Variants in ARID1B observed in about 807,000 individuals in gnomAD.
The protein encoded by ARID1B is AT-rich interactive domain-containing protein 1B.
In ARID1B, 30 loss-of-function variants were observed where a neutral mutation model predicts 212.3. That is an observed-to-expected ratio of 0.14 (90% confidence interval 0.11 to 0.19). The LOEUF is 0.19. ARID1B is among the 10% of genes least tolerant of loss of function. The pLI is 1.00. For synonymous variants in ARID1B, 1,402 were observed against 1,301.7 expected, an observed-to-expected ratio of 1.08 and a Z score of -1.66; for missense variants, 2,891 against 3,204.0, an observed-to-expected ratio of 0.90 and a Z score of 2.36.
chr6:157,056,139 G>A (rs527366390), intron 4 of ARID1B, among the ~76,000 whole-genome samples: 18 of 152,138 alleles, frequency 1.2e-4, no homozygotes, highest in East Asian at 1.2e-3. Context: ...TCTCCACACC[G>A]CCCCCACCTC....
chr6:157,122,202 C>CTTTA (rs143371459), intron 6 of ARID1B, among the ~76,000 whole-genome samples: 3,176 of 152,252 alleles, frequency 0.021, 118 homozygotes, highest in African/African-American at 0.073. Flanking sequence ...TTGGCTTAGT[C>CTTTA]TTTAACACAG....
intron 4 of ARID1B, among the ~76,000 whole-genome samples, chr6:157,082,426 A>G (rs993624539): frequency 1.3e-5 from 2 of 152,210 alleles, no homozygotes; most frequent in African/African-American, 4.8e-5. Flanking sequence ...TCACCAGCTG[A>G]ATATGTACAA....
chr6:157,036,969 A>G, intron 4 of ARID1B: 1 of 414,882 alleles, frequency 2.4e-6, no homozygotes, highest in Non-Finnish European at 4.7e-6. Context: ...TTTTTTTTTT[A>G]ATCATAATCA....
intron 2 of ARID1B, among the ~76,000 whole-genome samples, chr6:156,833,487 T>C (rs911502117): frequency 6.6e-6 from 1 of 152,194 alleles, no homozygotes; most frequent in African/African-American, 2.4e-5. Flanking sequence ...TTTTAACTAT[T>C]CTTGCAGGTG....
At chr6:156,858,569 G>A (rs769912417) in intron 2 of ARID1B, among the ~76,000 whole-genome samples, 2 of 152,116 alleles carry the variant, frequency 1.3e-5, no homozygotes, top group Admixed American at 6.5e-5. Context: ...AGTTCAAGAC[G>A]ATCCTGGCCA....
intron 2 of ARID1B, among the ~76,000 whole-genome samples, chr6:156,879,656 C>T (rs1299044885): frequency 6.6e-6 from 1 of 152,196 alleles, no homozygotes; most frequent in Non-Finnish European, 1.5e-5. Context: ...TCTGCAAACC[C>T]TTAAGAATTT....
chr6:157,021,589 C>T (rs1445194254), intron 4 of ARID1B, among the ~76,000 whole-genome samples: 1 of 152,186 alleles, frequency 6.6e-6, no homozygotes, highest in Admixed American at 6.5e-5. Flanking sequence ...CTCAGCCTGA[C>T]TGAACAGGCT....
chr6:156,869,280 GTC>G (rs1390629528), intron 2 of ARID1B, among the ~76,000 whole-genome samples: 1 of 151,892 alleles, frequency 6.6e-6, no homozygotes, highest in African/African-American at 2.4e-5. Flanking sequence ...AATTTTTTTT[GTC>G]TCTCTGTCAT....
chr6:156,978,426 A>G (rs1363255288), intron 4 of ARID1B, among the ~76,000 whole-genome samples: 2 of 152,242 alleles, frequency 1.3e-5, no homozygotes, highest in Non-Finnish European at 2.9e-5. Flanking sequence ...AGTCCCTGTG[A>G]CAGGAATGAA....
chr6:156,986,700 G>A (rs966244820), intron 4 of ARID1B, among the ~76,000 whole-genome samples: 2 of 152,022 alleles, frequency 1.3e-5, no homozygotes, highest in Admixed American at 6.5e-5. Flanking sequence ...AAGAGCTTTC[G>A]ATACTTCTAC....
At chr6:157,164,678 C>T in intron 8 of ARID1B, 1 of 152,074 alleles carries the variant, frequency 6.6e-6, no homozygotes, top group East Asian at 1.9e-4. Context: ...CCCAGATCCT[C>T]CTCTCAGGAG....
At chr6:156,806,958 C>T (rs992034831) in intron 1 of ARID1B, among the ~76,000 whole-genome samples, 2 of 152,200 alleles carry the variant, frequency 1.3e-5, no homozygotes, top group African/African-American at 4.8e-5. Flanking sequence ...TGTAATTTTA[C>T]ATGTCTTAAA....
chr6:157,132,949 ATCAGTC>A, intron 6 of ARID1B, 73 bp from the exon 7 acceptor site: 2 of 1,452,112 alleles, frequency 1.4e-6, no homozygotes, highest in Non-Finnish European at 1.9e-6. Flanking sequence ...CACCTGCCAC[ATCAGTC>A]CATGTCCATT....
intron 4 of ARID1B, among the ~76,000 whole-genome samples, chr6:156,972,534 ATGAACATTTAGTAAGCATG>A (rs1289090881): frequency 6.6e-6 from 1 of 152,252 alleles, no homozygotes; most frequent in Non-Finnish European, 1.5e-5. Flanking sequence ...CCAGTGGAAG[ATGAACATTTAGTAAGCATG>A]TGAACATAAA....
At chr6:156,790,046 T>C (rs1779910778) in intron 1 of ARID1B, among the ~76,000 whole-genome samples, 1 of 152,362 alleles carries the variant, frequency 6.6e-6, no homozygotes, top group East Asian at 1.9e-4. Flanking sequence ...TATTTGAAGC[T>C]TAGTTCTAAT....
chr6:157,181,303 C>T (rs1370407828), intron 12 of ARID1B, 125 bp downstream of exon 12: 13 of 1,228,264 alleles, frequency 1.1e-5, no homozygotes, highest in African/African-American at 7.6e-5. Flanking sequence ...GTGTGAAAGT[C>T]GCCTTCTTGC....
intron 9 of ARID1B, chr6:157,169,038 A>G (rs941452285): frequency 1.3e-5 from 2 of 152,060 alleles, no homozygotes; most frequent in Non-Finnish European, 2.9e-5. Flanking sequence ...CTGCGTTCTG[A>G]TCTCTCAGAG....
chr6:156,778,215 C>A lies in ARID1B; in HGVS notation c.535C>A (p.His179Asn), dbSNP rs374989034. 130 of 1,539,998 alleles carry A rather than the reference C, an allele frequency of 8.4e-5. No homozygotes were observed. The African/African-American group carries it at 1.7e-3, about 20-fold the overall frequency. The change falls in exon 1 of 20, where the codon CAT becomes AAT. Residue 179 changes from histidine to asparagine, a missense_variant. By Grantham distance (68) the His-to-Asn change is moderately conservative. Transcript: ENST00000636930. ...HHHHAHHHHH[H>N]AHHLHHHHAL... ...CCACCATGCCCACCACCACCACCAC[C>A]ATGCCCACCACCTCCACCACCACCA...
chr6:156,832,301 T>TCA (rs1783197152), intron 2 of ARID1B, among the ~76,000 whole-genome samples: 2 of 152,266 alleles, frequency 1.3e-5, no homozygotes, highest in Non-Finnish European at 2.9e-5. Flanking sequence ...GGCACTGTGA[T>TCA]TGGCTGCTGG....
Sources: gnomAD v4.1 joint callset for allele counts (sites outside exome capture counted in the v4.1 genomes callset) on GRCh38, gnomAD v4.1.1 for gene constraint, MANE v1.5 for transcripts, NCBI Gene and HGNC (gene_info 2026-07-23, HGNC 2026-07-21) for gene names.